Variants in TAFA2 observed in about 807,000 individuals in gnomAD.
The protein encoded by TAFA2 is chemokine-like protein TAFA-2.
In TAFA2, 7 loss-of-function variants were observed where a neutral mutation model predicts 18.8. That is an observed-to-expected ratio of 0.37 (90% confidence interval 0.21 to 0.70). The LOEUF (loss-of-function observed/expected upper bound fraction) is 0.70, where lower values mean the gene tolerates loss of function less well. TAFA2 is among the 30% of genes least tolerant of loss of function. The pLI is 0.53. For missense variants in TAFA2, 122 were observed against 158.1 expected, an observed-to-expected ratio of 0.77 and a Z score of 1.23; for synonymous variants, 60 against 54.2, an observed-to-expected ratio of 1.11 and a Z score of -0.47.
intron 1 of TAFA2, among the ~76,000 whole-genome samples, chr12:62,221,173 AAGGGG>A (rs1170527595): frequency 9.2e-6 from 1 of 108,838 alleles, no homozygotes; most frequent in Non-Finnish European, 2.0e-5. Flanking sequence ...AAAGGTAAGG[AAGGGG>A]AGGGGAGGGG....
chr12:61,865,514 C>T (rs1399754264), intron 2 of TAFA2, among the ~76,000 whole-genome samples: 1 of 152,056 alleles, frequency 6.6e-6, no homozygotes, highest in Non-Finnish European at 1.5e-5. Flanking sequence ...AAAAGCAAAA[C>T]CACAAAAAAA....
chr12:61,814,835 G>GGC (rs1333391173), intron 2 of TAFA2, among the ~76,000 whole-genome samples: 1 of 151,412 alleles, frequency 6.6e-6, no homozygotes, highest in African/African-American at 2.5e-5. Flanking sequence ...CTATGCTGCT[G>GGC]GCTTTGAAGA....
At chr12:62,066,127 G>A (rs1185844288) in intron 1 of TAFA2, among the ~76,000 whole-genome samples, 1 of 8,598 alleles carries the variant, frequency 1.2e-4, no homozygotes, top group African/African-American at 6.0e-4. Context: ...TGAAACAGCC[G>A]TGTGTGTGTG....
intron 2 of TAFA2, among the ~76,000 whole-genome samples, chr12:61,843,628 T>C (rs962151470): frequency 3.3e-5 from 5 of 152,144 alleles, no homozygotes; most frequent in African/African-American, 1.2e-4. Context: ...GTCCATTACA[T>C]AGAAGAAATA....
chr12:62,230,719 C>A (rs1457518612), intron 1 of TAFA2, among the ~76,000 whole-genome samples: 2 of 151,982 alleles, frequency 1.3e-5, no homozygotes, highest in Non-Finnish European at 2.9e-5. Flanking sequence ...ACCCTGTCAC[C>A]CAGGCTGGAG....
chr12:61,845,540 TA>T (rs1205758723), intron 2 of TAFA2, among the ~76,000 whole-genome samples: 1 of 152,170 alleles, frequency 6.6e-6, no homozygotes. Flanking sequence ...TTTGGTTTCT[TA>T]ACAAGATCTT....
intron 1 of TAFA2, among the ~76,000 whole-genome samples, chr12:62,003,926 A>C (rs1880461399): frequency 1.3e-5 from 2 of 152,192 alleles, no homozygotes; most frequent in African/African-American, 2.4e-5. Flanking sequence ...GTGCATGCAA[A>C]AAAAGGAGAA....
At chr12:62,150,944 G>T (rs1308508991) in intron 1 of TAFA2, among the ~76,000 whole-genome samples, 21 of 150,148 alleles carry the variant, frequency 1.4e-4, no homozygotes, top group African/African-American at 4.7e-4. Flanking sequence ...ATGGGGCTGG[G>T]TTACCCATTC....
chr12:62,026,857 G>A (rs1426576788), intron 1 of TAFA2, among the ~76,000 whole-genome samples: 4 of 151,958 alleles, frequency 2.6e-5, no homozygotes, highest in Non-Finnish European at 4.4e-5. Context: ...TCACTTATGC[G>A]GCAATATTAA....
At chr12:62,044,569 A>G (rs776030499) in intron 1 of TAFA2, among the ~76,000 whole-genome samples, 4 of 152,116 alleles carry the variant, frequency 2.6e-5, no homozygotes, top group Non-Finnish European at 5.9e-5. Context: ...ACTAATAAAC[A>G]TGAAGATGGC....
At chr12:62,220,921 C>T (rs2062757730) in intron 1 of TAFA2, among the ~76,000 whole-genome samples, 1 of 151,862 alleles carries the variant, frequency 6.6e-6, no homozygotes, top group African/African-American at 2.4e-5. Context: ...TCCTCGCTAA[C>T]ACGGTGAAAC....
chr12:62,097,509 G>A (rs1305160464), intron 1 of TAFA2, among the ~76,000 whole-genome samples: 1 of 152,146 alleles, frequency 6.6e-6, no homozygotes, highest in African/African-American at 2.4e-5. Flanking sequence ...AAAAGAAGTA[G>A]GAGTCAGATC....
chr12:61,843,887 T>C (rs1023406475), intron 2 of TAFA2, among the ~76,000 whole-genome samples: 13 of 152,162 alleles, frequency 8.5e-5, no homozygotes, highest in Non-Finnish European at 1.8e-4. Context: ...AGGGGAGTCA[T>C]GCATTTATTA....
intron 1 of TAFA2, among the ~76,000 whole-genome samples, chr12:61,991,460 C>T (rs765343209): frequency 2.0e-5 from 3 of 152,134 alleles, no homozygotes; most frequent in Non-Finnish European, 4.4e-5. Flanking sequence ...ACAAAGGCTT[C>T]ATTTTATCTA....
chr12:62,178,996 A>G, intron 1 of TAFA2, among the ~76,000 whole-genome samples: 1 of 152,188 alleles, frequency 6.6e-6, no homozygotes, highest in East Asian at 1.9e-4. Flanking sequence ...CCTGAAATTG[A>G]GGATCGCACT....
chr12:61,816,119 T>C (rs1272442399), intron 2 of TAFA2, among the ~76,000 whole-genome samples: 6 of 151,350 alleles, frequency 4.0e-5, no homozygotes, highest in African/African-American at 1.5e-4. Context: ...TATTTCATAC[T>C]CAGGTATTAA....
At chr12:62,172,879 C>G (rs561315502) in intron 1 of TAFA2, among the ~76,000 whole-genome samples, 2 of 152,320 alleles carry the variant, frequency 1.3e-5, no homozygotes, top group Non-Finnish European at 2.9e-5. Context: ...CACCTGTGTT[C>G]AATTCCAATT....
intron 1 of TAFA2, among the ~76,000 whole-genome samples, chr12:61,875,102 C>T (rs1158887592): frequency 6.6e-6 from 1 of 151,994 alleles, no homozygotes; most frequent in African/African-American, 2.4e-5. Flanking sequence ...TACTTAACAT[C>T]GAGTCTCAAT....
chr12:62,216,900 C>T (rs1592405300), intron 1 of TAFA2, among the ~76,000 whole-genome samples: 1 of 152,154 alleles, frequency 6.6e-6, no homozygotes, highest in East Asian at 1.9e-4. Flanking sequence ...ATATACATTA[C>T]GGTATACCAT....
Sources: gnomAD v4.1 joint callset for allele counts (sites outside exome capture counted in the v4.1 genomes callset) on GRCh38, gnomAD v4.1.1 for gene constraint, MANE v1.5 for transcripts, NCBI Gene and HGNC (gene_info 2026-07-23, HGNC 2026-07-21) for gene names.